Variants in PEX14 observed in about 807,000 individuals in gnomAD.
The protein encoded by PEX14 is peroxisomal membrane protein PEX14.
Under a neutral mutation model 49.5 loss-of-function variants are expected in PEX14, and 15 were observed. That is an observed-to-expected ratio of 0.30 (90% confidence interval 0.20 to 0.47). The LOEUF (loss-of-function observed/expected upper bound fraction) is 0.47. Among genes scored for constraint, PEX14 ranks in the 20% least tolerant of loss-of-function variants. PEX14 has a pLI of 1.00. For synonymous variants in PEX14, 210 were observed against 212.7 expected, an observed-to-expected ratio of 0.99 and a Z score of 0.11; for missense variants, 398 against 494.8, an observed-to-expected ratio of 0.80 and a Z score of 1.86.
At chr1:10,605,314 G>A (rs537279330) in intron 4 of PEX14, among the ~76,000 whole-genome samples, 4 of 152,268 alleles carry the variant, frequency 2.6e-5, no homozygotes, top group African/African-American at 7.2e-5. Context: ...GTAGGGGATG[G>A]GACCCACCTT....
intron 2 of PEX14, among the ~76,000 whole-genome samples, chr1:10,497,055 TTA>T (rs2124405652): frequency 6.6e-6 from 1 of 152,200 alleles, no homozygotes; most frequent in African/African-American, 2.4e-5. Flanking sequence ...TAGGGCCCTA[TTA>T]AAAGGTAGAC....
chr1:10,627,193 A>G, intron 7 of PEX14, 79 bp from the exon 8 acceptor site: 1 of 945,510 alleles, frequency 1.1e-6, no homozygotes, highest in East Asian at 2.4e-5. Flanking sequence ...TGCTGCCCCC[A>G]CCCAGGTCCT....
intron 2 of PEX14, among the ~76,000 whole-genome samples, chr1:10,531,102 A>G (rs1048240042): frequency 1.3e-5 from 2 of 152,180 alleles, no homozygotes; most frequent in African/African-American, 4.8e-5. Flanking sequence ...AGGAGCCTGC[A>G]TGTAGAAAAC....
chr1:10,535,947 A>C, intron 2 of PEX14: 1 of 448,184 alleles, frequency 2.2e-6, no homozygotes, highest in South Asian at 2.1e-5. Context: ...AATGGAGATC[A>C]GGAGGAACAG....
At chr1:10,528,250 G>A in intron 2 of PEX14, 2 of 915,516 alleles carry the variant, frequency 2.2e-6, no homozygotes, top group Non-Finnish European at 2.6e-6. Flanking sequence ...TCATCCCGCA[G>A]TTCAATAGTG....
intron 1 of PEX14, among the ~76,000 whole-genome samples, chr1:10,484,935 A>G (rs1641342519): frequency 6.6e-6 from 1 of 151,664 alleles, no homozygotes; most frequent in South Asian, 2.1e-4. Flanking sequence ...TCTCACCCAC[A>G]TTAATGCAGT....
chr1:10,552,807 C>T lies in PEX14; in HGVS notation c.169+16510C>T, dbSNP rs187371508. ...TGTGGTAGGGGAGGAGAACTAGTGG[C>T]GAAGAGGTTAAAAAGGTGCCTCCAT... On this transcript the variant is annotated intron_variant, in intron 3 of 8. Transcript: ENST00000356607. 2.2e-4 allele frequency among the ~76,000 whole-genome samples: 33 copies of T among 152,070 alleles called. No individual in the cohort carries two copies. The East Asian group carries it at 2.9e-3, about 13-fold the overall frequency.
At chr1:10,520,671 C>T (rs1158839770) in intron 2 of PEX14, among the ~76,000 whole-genome samples, 1 of 152,216 alleles carries the variant, frequency 6.6e-6, no homozygotes, top group African/African-American at 2.4e-5. Flanking sequence ...AGCATCCAGA[C>T]AGCATCTGCT....
rs115261604 is a variant in PEX14 at position 10,553,863 on chromosome 1, C to T, written c.169+17566C>T. On this transcript the variant is annotated intron_variant, in intron 3 of 8. Coordinates refer to ENST00000356607, the MANE Select transcript of PEX14 (RefSeq NM_004565.3). ...GTCAACCTGTTTGCTGATCTGGCCT[C>T]GGCAATTTTCAGGGCTTCCCTGCAC... is the stretch of plus-strand genomic sequence containing the variant. 5.5e-3 allele frequency among the ~76,000 whole-genome samples: 844 copies of T among 152,238 alleles called. 7 individuals are homozygous for T. Among genetic ancestry groups the T allele is most frequent in the African/African-American group, 0.019 (789 of 41,538 alleles).
At chr1:10,577,854 G>C (rs1337516301) in intron 3 of PEX14, among the ~76,000 whole-genome samples, 4 of 150,942 alleles carry the variant, frequency 2.7e-5, no homozygotes, top group African/African-American at 9.7e-5. Flanking sequence ...GCTATACCCA[G>C]CCTGGACACA....
intron 4 of PEX14, among the ~76,000 whole-genome samples, chr1:10,615,344 G>T (rs1033916155): frequency 8.5e-5 from 13 of 152,194 alleles, no homozygotes; most frequent in Non-Finnish European, 1.5e-4. Flanking sequence ...CAAGGGAAAA[G>T]AAATCAAGTA....
rs757892835 is a variant in PEX14 at position 10,512,126 on chromosome 1, A to G, written c.84+16805A>G. 2.6e-5 allele frequency among the ~76,000 whole-genome samples: 4 copies of G among 151,964 alleles called. No individual in the cohort carries two copies. The highest frequency in any genetic ancestry group is 4.8e-5 in the African/African-American group (2 of 41,376). ...AGGCGCCTGCCCCCACGCTCGGCTAATTTTGGTATTTTTAGTAGAGACAGG... is the reference window on the plus strand; with the variant it reads ...AGGCGCCTGCCCCCACGCTCGGCTAGTTTTGGTATTTTTAGTAGAGACAGG... On this transcript the variant is annotated intron_variant, in intron 2 of 8. Coordinates refer to ENST00000356607, the MANE Select transcript of PEX14 (RefSeq NM_004565.3). This position sits in a 1 kb window ranked among gnomAD's most constrained non-coding sequence, Gnocchi z 4.6.
At chr1:10,535,394 A>G (rs188507407) in intron 2 of PEX14, among the ~76,000 whole-genome samples, 15 of 152,338 alleles carry the variant, frequency 9.8e-5, no homozygotes, top group Admixed American at 6.5e-4. Flanking sequence ...CAGGTAGACA[A>G]TCTGTCAATC....
intron 3 of PEX14, among the ~76,000 whole-genome samples, chr1:10,565,138 G>A (rs1427049810): frequency 2.0e-5 from 3 of 152,112 alleles, no homozygotes; most frequent in Non-Finnish European, 2.9e-5. Context: ...TCCTGACCTC[G>A]TGATCTGCCC....
intron 2 of PEX14, among the ~76,000 whole-genome samples, chr1:10,532,812 G>A (rs1288102013): frequency 6.6e-6 from 1 of 152,144 alleles, no homozygotes; most frequent in Non-Finnish European, 1.5e-5. Flanking sequence ...CAACAAAAGC[G>A]TGTTGTGTGT....
At chr1:10,568,292 A>G (rs1426104844) in intron 3 of PEX14, among the ~76,000 whole-genome samples, 1 of 147,542 alleles carries the variant, frequency 6.8e-6, no homozygotes, top group African/African-American at 2.5e-5. Context: ...AGCTTTGGAG[A>G]GTGACACACA....
chr1:10,508,110 C>G (rs770620100), intron 2 of PEX14, among the ~76,000 whole-genome samples: 1 of 152,120 alleles, frequency 6.6e-6, no homozygotes, highest in Non-Finnish European at 1.5e-5. Context: ...CTCCCCCTAT[C>G]CAAACTAGTC....
At chr1:10,555,178 G>A (rs1639450296) in intron 3 of PEX14, among the ~76,000 whole-genome samples, 2 of 151,932 alleles carry the variant, frequency 1.3e-5, no homozygotes, top group East Asian at 1.9e-4. Context: ...ATTCCTGTCC[G>A]GGATAGTCAC....
At chr1:10,615,446 C>T (rs931976978) in intron 4 of PEX14, among the ~76,000 whole-genome samples, 1 of 152,198 alleles carries the variant, frequency 6.6e-6, no homozygotes, top group Non-Finnish European at 1.5e-5. Flanking sequence ...CAAATTAGAA[C>T]TAGAGTGAAC....
Sources: allele counts gnomAD v4.1 joint callset (sites outside exome capture counted in the v4.1 genomes callset), GRCh38; gene constraint gnomAD v4.1.1; non-coding constraint Gnocchi (gnomAD v3.1); transcripts MANE v1.5; gene names NCBI Gene and HGNC (gene_info 2026-07-23, HGNC 2026-07-21).